VPS13B: variants seen among roughly 807,000 people sequenced by gnomAD.
The protein encoded by VPS13B is intermembrane lipid transfer protein VPS13B.
In VPS13B, 285 loss-of-function variants were observed where a neutral mutation model predicts 426.4. The observed-to-expected ratio is 0.67, with a 90% CI of 0.61 to 0.74. The LOEUF is 0.74. Among genes scored for constraint, VPS13B ranks in the 30% least tolerant of loss-of-function variants. VPS13B has a pLI of 0.00. For synonymous variants in VPS13B, 1,676 were observed against 1,676.4 expected (o/e 1.00, Z 0.01); for missense variants, 4,537 against 4,782.6 (o/e 0.95, Z 1.51).
intron 15 of VPS13B, among the ~76,000 whole-genome samples, chr8:99,157,919 T>C (rs1309450011): frequency 1.3e-5 from 2 of 152,190 alleles, no homozygotes; most frequent in Admixed American, 6.5e-5. Context: ...CAATATTCCC[T>C]TAAATGAAAA....
At chr8:99,705,529 AAGG>A (rs1468118819) in intron 36 of VPS13B, among the ~76,000 whole-genome samples, 1 of 152,126 alleles carries the variant, frequency 6.6e-6, no homozygotes, top group African/African-American at 2.4e-5. Flanking sequence ...ACCCTCAAGA[AAGG>A]AGATTAAAAA....
chr8:99,193,151 A>G (rs1415752873), intron 17 of VPS13B, 94 bp downstream of exon 17: 2 of 1,238,904 alleles, frequency 1.6e-6, no homozygotes, highest in Admixed American at 2.0e-5. Context: ...AGCATGGTCA[A>G]CTTAAATTGT....
At chr8:99,791,720 T>TAAAAAAAAAAA (rs1163608239) in intron 43 of VPS13B, among the ~76,000 whole-genome samples, 3 of 90,058 alleles carry the variant, frequency 3.3e-5, no homozygotes, top group Non-Finnish European at 6.9e-5. Context: ...GAACAGAACT[T>TAAAAAAAAAAA]AAAAAAAAAA....
chr8:99,019,362 A>G (rs4735594), intron 2 of VPS13B, among the ~76,000 whole-genome samples: 12,598 of 151,952 alleles, frequency 0.083, 880 homozygotes, highest in African/African-American at 0.19. Flanking sequence ...GCCCACGACA[A>G]CACCCGGCTA....
rs143171907 is a variant in VPS13B, at chr8:99,786,272, T to C, written c.7941+1796T>C. ...AAGGCCTTTTTGTATTTATTACAAG[T>C]TTTATATTCACAGCATTCCTGTGCA... is the stretch of plus-strand genomic sequence containing the variant. On this transcript the variant is annotated intron_variant, in intron 43 of 61. Coordinates refer to ENST00000357162, the MANE Select transcript of VPS13B (RefSeq NM_152564.5). 9.8e-4 allele frequency among the ~76,000 whole-genome samples: 149 copies of C among 152,298 alleles called. 1 individual carries two copies. The highest frequency in any genetic ancestry group is 3.4e-3 in the Middle Eastern group (1 of 294).
intron 17 of VPS13B, among the ~76,000 whole-genome samples, chr8:99,240,678 A>G (rs1816877662): frequency 6.6e-6 from 1 of 152,218 alleles, no homozygotes; most frequent in Non-Finnish European, 1.5e-5. Context: ...CATAAGCCAC[A>G]TTATTATTTA....
intron 23 of VPS13B, among the ~76,000 whole-genome samples, chr8:99,447,091 C>T (rs1187408308): frequency 6.6e-6 from 1 of 152,020 alleles, no homozygotes; most frequent in Non-Finnish European, 1.5e-5. Flanking sequence ...CCTAATATTC[C>T]TTGTTTATAC....
chr8:99,256,998 A>G (rs758876749), intron 17 of VPS13B, among the ~76,000 whole-genome samples: 41 of 152,168 alleles, frequency 2.7e-4, no homozygotes, highest in Non-Finnish European at 2.5e-4. Flanking sequence ...TGAGTCTGGT[A>G]TAGAGTAGTT....
At chr8:99,621,524 C>T (rs553347246) in intron 33 of VPS13B, among the ~76,000 whole-genome samples, 1 of 152,170 alleles carries the variant, frequency 6.6e-6, no homozygotes, top group African/African-American at 2.4e-5. Flanking sequence ...GTAATATAGC[C>T]CACTCTTCAC....
intron 19 of VPS13B, among the ~76,000 whole-genome samples, chr8:99,359,560 T>G (rs533076407): frequency 6.6e-6 from 1 of 152,356 alleles, no homozygotes; most frequent in African/African-American, 2.4e-5. Context: ...ATCTTTCATG[T>G]AATTAAAAAA....
intron 21 of VPS13B, 110 bp from the exon 22 acceptor site, chr8:99,431,427 A>C: frequency 7.3e-7 from 1 of 1,367,534 alleles, no homozygotes; most frequent in Non-Finnish European, 1.0e-6. Context: ...ATCTCATATA[A>C]AAATTATAAT....
intron 33 of VPS13B, among the ~76,000 whole-genome samples, chr8:99,585,673 C>G (rs1481646179): frequency 6.6e-6 from 1 of 152,088 alleles, no homozygotes. Context: ...TAGAAGGGAG[C>G]TTACTCAACT....
At chr8:99,764,143 A>G (rs1811084718) in intron 39 of VPS13B, among the ~76,000 whole-genome samples, 1 of 152,190 alleles carries the variant, frequency 6.6e-6, no homozygotes, top group Admixed American at 6.5e-5. Context: ...CAAGGATCTT[A>G]GAGTCAACTA....
chr8:99,376,346 A>G (rs976110303), intron 19 of VPS13B, among the ~76,000 whole-genome samples: 4 of 152,234 alleles, frequency 2.6e-5, no homozygotes, highest in African/African-American at 4.8e-5. Flanking sequence ...TCTAAATTAA[A>G]GAGAACATTA....
At chr8:99,083,047 T>G (rs1478330195) in intron 3 of VPS13B, among the ~76,000 whole-genome samples, 1 of 152,222 alleles carries the variant, frequency 6.6e-6, no homozygotes, top group African/African-American at 2.4e-5. Flanking sequence ...ATAAATTACC[T>G]TGGGCAGTAT....
intron 34 of VPS13B, among the ~76,000 whole-genome samples, chr8:99,654,688 T>C (rs185948689): frequency 2.6e-5 from 4 of 152,262 alleles, no homozygotes; most frequent in African/African-American, 9.6e-5. Context: ...TGGCAGAGGC[T>C]GCTTGGGAGC....
At chr8:99,814,749 C>T (rs947431854) in intron 44 of VPS13B, among the ~76,000 whole-genome samples, 6 of 152,078 alleles carry the variant, frequency 3.9e-5, no homozygotes, top group Non-Finnish European at 8.8e-5. Context: ...TGATACCTAA[C>T]CAAATCAAGT....
At chr8:99,476,414 T>A (rs576309698) in intron 24 of VPS13B, among the ~76,000 whole-genome samples, 2 of 152,220 alleles carry the variant, frequency 1.3e-5, no homozygotes, top group African/African-American at 4.8e-5. Context: ...TTGATTTTTT[T>A]TTTTTTTTTC....
At chr8:99,344,674 A>G (rs1000173891) in intron 19 of VPS13B, among the ~76,000 whole-genome samples, 5 of 151,922 alleles carry the variant, frequency 3.3e-5, no homozygotes, top group Non-Finnish European at 7.4e-5. Context: ...CCTGGTTATT[A>G]GTGAATTTGA....
Sources: gnomAD v4.1 joint callset for allele counts (sites outside exome capture counted in the v4.1 genomes callset) on GRCh38, gnomAD v4.1.1 for gene constraint, MANE v1.5 for transcripts, NCBI Gene and HGNC (gene_info 2026-07-23, HGNC 2026-07-21) for gene names.